The following DIP2C variants were observed in gnomAD, a reference collection of about 807,000 sequenced individuals.
The protein encoded by DIP2C is DIP2 acetate--CoA ligase C (putative), also known as disco-interacting protein 2 homolog C.
In DIP2C, 33 loss-of-function variants were observed where a neutral mutation model predicts 192.4. That is an observed-to-expected ratio of 0.17 (90% CI 0.13 to 0.23). The LOEUF is 0.23. DIP2C is among the 10% of genes least tolerant of loss of function. The probability of loss-of-function intolerance (pLI) is 1.00; values close to 1 mark genes in which losing one functional copy is unlikely to be tolerated. For synonymous variants in DIP2C, 979 were observed against 864.1 expected, an observed-to-expected ratio of 1.13 and a Z score of -2.33; for missense variants, 1,537 against 2,110.1, an observed-to-expected ratio of 0.73 and a Z score of 5.32.
intron 17 of DIP2C, among the ~76,000 whole-genome samples, chr10:378,559 G>A (rs940665135): frequency 4.0e-5 from 6 of 150,318 alleles, no homozygotes; most frequent in Admixed American, 3.3e-4. Flanking sequence ...GCAGACACGT[G>A]AACACAAACA....
At chr10:374,389 C>CA (rs372714066) in intron 17 of DIP2C, among the ~76,000 whole-genome samples, 26 of 152,210 alleles carry the variant, frequency 1.7e-4, no homozygotes, top group African/African-American at 5.5e-4. Context: ...AAAAGCACCT[C>CA]ACACTGGCTG....
chr10:401,256 A>G lies in DIP2C; in HGVS notation c.1150-2037T>C, dbSNP rs867834279. Among the ~76,000 whole-genome samples, 119 of 138,696 alleles carry G rather than the reference A, an allele frequency of 8.6e-4. 1 individual carries two copies. Among genetic ancestry groups the G allele is most frequent in the Middle Eastern group, 4.1e-3 (1 of 242 alleles). The allele number at this position is 138,696 out of a possible 152,430, so 91.0% of individuals were successfully genotyped here. On this transcript the variant is annotated intron_variant, in intron 9 of 36. Transcript: ENST00000280886. ...ACATTTTCATCAGCCCATGAATCCT[A>G]TGATTTTACATGTGGGGTAGCATTA...
chr10:276,968 G>A lies in DIP2C; in HGVS notation c.*357C>T. The A allele has an allele frequency of 4.6e-6, 1 of 218,298 alleles. No homozygotes were observed. The highest frequency in any genetic ancestry group is 8.0e-5 in the South Asian group (1 of 12,428). The allele number at this position is 218,298 out of a possible 1,614,324, so 13.5% of individuals were successfully genotyped here. A position where few individuals can be genotyped will look rare whatever the true frequency, so the allele number is the denominator to read the frequency against. ...TTAAAAGAACCCATCTGGAGGGCAG[G>A]ATATTTTTTTAATTGCTATTTCGGC... On this transcript the variant is annotated 3_prime_UTR_variant, in exon 37 of 37. Coordinates refer to ENST00000280886, the MANE Select transcript of DIP2C (RefSeq NM_014974.3).
chr10:327,207 C>A (rs756695306), intron 30 of DIP2C, 31 bp from the exon 31 acceptor site: 1 of 1,602,346 alleles, frequency 6.2e-7, no homozygotes, highest in Non-Finnish European at 8.5e-7. Context: ...ACCGAGTCAG[C>A]CCCCACGTGT....
chr10:670,734 A>G lies in DIP2C; in HGVS notation c.85+18760T>C, dbSNP rs1830593567. Among the ~76,000 whole-genome samples, 3 of 152,378 alleles carry G rather than the reference A, an allele frequency of 2.0e-5. No individual in the cohort carries two copies. In the South Asian group the frequency reaches 6.2e-4, roughly 32 times the overall value. ...CAAGGGTCTAAAAATATAAGATAACAAAAGAAAGTCACAGTCCTGACAGCT... is the reference window on the plus strand; with the variant it reads ...CAAGGGTCTAAAAATATAAGATAACGAAAGAAAGTCACAGTCCTGACAGCT... On this transcript the variant is annotated intron_variant, in intron 1 of 36. Coordinates refer to ENST00000280886, the MANE Select transcript of DIP2C (RefSeq NM_014974.3).
At chr10:594,258 T>G (rs976358347) in intron 1 of DIP2C, among the ~76,000 whole-genome samples, 2 of 152,100 alleles carry the variant, frequency 1.3e-5, no homozygotes, top group Non-Finnish European at 2.9e-5. Context: ...TCTGCACAGC[T>G]TCTACAAATT....
intron 1 of DIP2C, among the ~76,000 whole-genome samples, chr10:537,870 G>A (rs948162204): frequency 6.0e-5 from 9 of 150,944 alleles, no homozygotes; most frequent in African/African-American, 1.9e-4. Flanking sequence ...GCTCACTGCA[G>A]CCTCCACCTC....
chr10:647,876 A>T (rs1157457589), intron 1 of DIP2C, among the ~76,000 whole-genome samples: 6 of 149,176 alleles, frequency 4.0e-5, no homozygotes, highest in African/African-American at 1.5e-4. Flanking sequence ...AGGGAAACTG[A>T]GTCCACGTCG....
At chr10:529,050 G>A (rs1331129248) in intron 1 of DIP2C, among the ~76,000 whole-genome samples, 3 of 152,186 alleles carry the variant, frequency 2.0e-5, no homozygotes, top group Middle Eastern at 3.2e-3. Context: ...CGGCGCTGCC[G>A]GCATCTCCCT....
At chr10:609,591 T>A (rs989236572) in intron 1 of DIP2C, among the ~76,000 whole-genome samples, 1 of 152,210 alleles carries the variant, frequency 6.6e-6, no homozygotes, top group Non-Finnish European at 1.5e-5. Flanking sequence ...AAGGGCTAAT[T>A]TCCCCCCAAA....
rs892325062 is a variant in DIP2C, at chr10:600,189, G to A, written c.85+89305C>T. Among the ~76,000 whole-genome samples, 5 of 152,268 alleles carry A rather than the reference G, an allele frequency of 3.3e-5. No individual in the cohort carries two copies. In the South Asian group the frequency reaches 6.2e-4, roughly 19 times the overall value. ...AATAAGAGGGAAGACATTTGGTTAC[G>A]ACCGGCAGAGCCACCCCAAGCCTCT... On this transcript the variant is annotated intron_variant, in intron 1 of 36. Transcript: ENST00000280886.
rs370717670 is a variant in DIP2C at position 568,584 on chromosome 10, G to A, written c.86-82054C>T. ...AGATCGAGACCATCCTGGCTGACAC[G>A]GTGAAACCCCGTCTCTACTAAAAAT... On this transcript the variant is annotated intron_variant, in intron 1 of 36. Transcript: ENST00000280886. Among the ~76,000 whole-genome samples the A allele has an allele frequency of 7.2e-4, 109 of 151,836 alleles. No homozygotes were observed. The East Asian group carries it at 0.018, about 25-fold the overall frequency.
At chr10:310,157 A>G in intron 31 of DIP2C, 65 bp from the exon 32 acceptor site, 4 of 1,397,346 alleles carry the variant, frequency 2.9e-6, no homozygotes, top group Non-Finnish European at 4.0e-6. Context: ...CTGTGCTTCT[A>G]CTAGTTAGGA....
chr10:564,099 T>C (rs1849344356), intron 1 of DIP2C, among the ~76,000 whole-genome samples: 1 of 152,124 alleles, frequency 6.6e-6, no homozygotes, highest in Admixed American at 6.5e-5. Flanking sequence ...GTAAAAAATA[T>C]GGAACAGAAA....
intron 2 of DIP2C, among the ~76,000 whole-genome samples, chr10:475,948 GAACA>G (rs1381851822): frequency 1.3e-5 from 2 of 152,198 alleles, no homozygotes; most frequent in Admixed American, 1.3e-4. Flanking sequence ...GCACAAACAT[GAACA>G]ATCACTAAGA....
At position 283,784 on chromosome 10, in the gene DIP2C, G is replaced by A. The variant is rs900119103; in HGVS notation, c.4120-338C>T. Among the ~76,000 whole-genome samples, 4 of 151,944 alleles carry A rather than the reference G, an allele frequency of 2.6e-5. 1 individual carries two copies. The highest frequency in any genetic ancestry group is 4.2e-4 in the South Asian group (2 of 4,814). ...CACACTAGATTCCTTACACTTTAAC[G>A]AATGATTATTTCTAAAGAGCAAGAA... On this transcript the variant is annotated intron_variant, in intron 34 of 36. Coordinates refer to ENST00000280886, the MANE Select transcript of DIP2C (RefSeq NM_014974.3).
At chr10:594,698 T>A (rs1328766792) in intron 1 of DIP2C, among the ~76,000 whole-genome samples, 1 of 152,096 alleles carries the variant, frequency 6.6e-6, no homozygotes, top group African/African-American at 2.4e-5. Context: ...TCAACACCCC[T>A]AGTGAAGGGC....
chr10:617,223 GC>G (rs199887060), intron 1 of DIP2C, among the ~76,000 whole-genome samples: 2 of 49,786 alleles, frequency 4.0e-5, no homozygotes, highest in East Asian at 5.5e-4. Flanking sequence ...CACGACCTCC[GC>G]CCCCCACTAC....
intron 1 of DIP2C, among the ~76,000 whole-genome samples, chr10:503,402 CTA>C (rs1262447027): frequency 6.6e-6 from 1 of 152,186 alleles, no homozygotes; most frequent in Non-Finnish European, 1.5e-5. Flanking sequence ...CACTCGGAAA[CTA>C]AAAGAACTGA....
Sources: gnomAD v4.1 joint callset for allele counts (sites outside exome capture counted in the v4.1 genomes callset) on GRCh38, gnomAD v4.1.1 for gene constraint, MANE v1.5 for transcripts, NCBI Gene and HGNC (gene_info 2026-07-23, HGNC 2026-07-21) for gene names.